NME7: variants seen among roughly 807,000 people sequenced by gnomAD.
NME7 encodes the protein NME/NM23 family member 7.
A neutral mutation model predicts 49.1 loss-of-function variants in NME7; 41 were observed. The observed-to-expected ratio is 0.83, with a 90% CI of 0.65 to 1.08. The LOEUF is 1.08. Among genes scored for constraint, NME7 ranks in the 50% least tolerant of loss-of-function variants. The pLI, the probability that NME7 is intolerant of heterozygous loss-of-function variation, is 0.00. For missense variants in NME7, 423 were observed against 463.4 expected (o/e 0.91, Z 0.80); for synonymous variants, 139 against 150.6 (o/e 0.92, Z 0.56).
chr1:169,341,557 C>T (rs186855003), intron 1 of NME7, among the ~76,000 whole-genome samples: 1 of 152,050 alleles, frequency 6.6e-6, no homozygotes, highest in Non-Finnish European at 1.5e-5. Context: ...TCCTCCAGAC[C>T]CCAGAATGGT....
At chr1:169,214,496 T>C (rs1476198710) in intron 10 of NME7, among the ~76,000 whole-genome samples, 1 of 152,246 alleles carries the variant, frequency 6.6e-6, no homozygotes, top group Non-Finnish European at 1.5e-5. Flanking sequence ...TAAATTCTCA[T>C]AAGAACATCA....
chr1:169,178,298 G>A (rs932544395), intron 10 of NME7, among the ~76,000 whole-genome samples: 8 of 152,092 alleles, frequency 5.3e-5, no homozygotes, highest in Non-Finnish European at 8.8e-5. Context: ...CACATTTTTG[G>A]CTAGAATTCT....
intron 10 of NME7, among the ~76,000 whole-genome samples, chr1:169,190,391 T>C (rs917854192): frequency 6.9e-6 from 1 of 145,648 alleles, no homozygotes; most frequent in South Asian, 2.2e-4. Context: ...AATATATATA[T>C]AAAAAGACAA....
intron 10 of NME7, among the ~76,000 whole-genome samples, chr1:169,191,609 G>C (rs1420556843): frequency 6.6e-6 from 1 of 152,124 alleles, no homozygotes; most frequent in African/African-American, 2.4e-5. Context: ...AGAAGTAGAA[G>C]TTATTCACGT....
chr1:169,174,909 G>T (rs1659708855), intron 10 of NME7, among the ~76,000 whole-genome samples: 1 of 152,040 alleles, frequency 6.6e-6, no homozygotes, highest in Non-Finnish European at 1.5e-5. Flanking sequence ...CTGTACACTT[G>T]GGCTACACTA....
At chr1:169,325,724 GT>G (rs1369135378) in intron 1 of NME7, among the ~76,000 whole-genome samples, 6 of 152,114 alleles carry the variant, frequency 3.9e-5, no homozygotes, top group Non-Finnish European at 7.4e-5. Context: ...AATGGTAGAA[GT>G]TGTGTGTCTA....
intron 7 of NME7, among the ~76,000 whole-genome samples, chr1:169,277,407 T>G (rs1649781395): frequency 7.2e-6 from 1 of 138,358 alleles, no homozygotes; most frequent in East Asian, 2.5e-4. Flanking sequence ...TAGTTAGCTC[T>G]TCTTGTTGAA....
At chr1:169,267,388 T>G (rs115271311) in intron 7 of NME7, among the ~76,000 whole-genome samples, 2,456 of 133,602 alleles carry the variant, frequency 0.018, 359 homozygotes, top group African/African-American at 0.055. Flanking sequence ...CATGTACCAG[T>G]GACATTCTTC....
At chr1:169,336,173 G>A (rs1170599532) in intron 1 of NME7, among the ~76,000 whole-genome samples, 4 of 151,780 alleles carry the variant, frequency 2.6e-5, no homozygotes, top group Admixed American at 6.6e-5. Flanking sequence ...GGAGTTGTTC[G>A]TTCCTCCCGG....
intron 10 of NME7, among the ~76,000 whole-genome samples, chr1:169,196,596 T>C (rs1238704879): frequency 6.6e-6 from 1 of 152,200 alleles, no homozygotes; most frequent in African/African-American, 2.4e-5. Flanking sequence ...TAGAAAATCA[T>C]TAGGATACTT....
rs1366155654 is a variant in NME7, at chr1:169,342,517, AG to A, written c.4-18018del. 1.6e-3 allele frequency among the ~76,000 whole-genome samples: 169 copies of A among 106,586 alleles called. 7 individuals are homozygous for A. The highest frequency in any genetic ancestry group is 5.0e-3 in the African/African-American group (160 of 32,168). The allele number at this position is 106,586 out of a possible 152,430, so 69.9% of individuals were successfully genotyped here. ...TATATATACAAGTACATATATATAT[AG>A]TATATATATACAAGTACATATATAT... On this transcript the variant is annotated intron_variant, in intron 1 of 11. Transcript: ENST00000367811.
intron 2 of NME7, 70 bp from the exon 3 acceptor site, chr1:169,323,353 T>A (rs1651928583): frequency 8.0e-7 from 1 of 1,252,008 alleles, no homozygotes; most frequent in African/African-American, 1.5e-5. Context: ...AATCTCATCA[T>A]AAGGTAGAAA....
intron 11 of NME7, among the ~76,000 whole-genome samples, chr1:169,158,129 C>A (rs1659133389): frequency 1.3e-5 from 2 of 152,154 alleles, no homozygotes; most frequent in Non-Finnish European, 2.9e-5. Flanking sequence ...TCAGAATCAC[C>A]TGCAACATAA....
intron 11 of NME7, among the ~76,000 whole-genome samples, chr1:169,167,953 G>A (rs59776295): frequency 0.012 from 1,846 of 152,254 alleles, 41 homozygotes; most frequent in African/African-American, 0.043. Context: ...CACCAGGAGT[G>A]TTGGGAGACC....
intron 1 of NME7, among the ~76,000 whole-genome samples, chr1:169,329,254 G>A (rs1409819911): frequency 2.0e-5 from 3 of 151,308 alleles, no homozygotes; most frequent in Non-Finnish European, 2.9e-5. Flanking sequence ...TCACTCTACC[G>A]CTCCAAGCTT....
intron 11 of NME7, among the ~76,000 whole-genome samples, chr1:169,146,794 T>C (rs528064452): frequency 3.2e-4 from 49 of 152,256 alleles, no homozygotes; most frequent in African/African-American, 1.0e-3. Flanking sequence ...GAGTTCACAC[T>C]AAGGGGTGAA....
intron 7 of NME7, among the ~76,000 whole-genome samples, chr1:169,238,477 GCACACACACACACACACACACACA>G (rs138287537): frequency 1.4e-4 from 18 of 124,152 alleles, no homozygotes; most frequent in Non-Finnish European, 2.8e-4. Flanking sequence ...ATGCACAAAG[GCACACACACACACACACACACACA>G]CACACACACA....
chr1:169,334,155 C>G (rs796194415), intron 1 of NME7, among the ~76,000 whole-genome samples: 9 of 129,276 alleles, frequency 7.0e-5, no homozygotes, highest in African/African-American at 2.3e-4. Flanking sequence ...GGGTCAGTAA[C>G]TAGTCAATCT....
In NME7 at chr1:169,298,633, T is replaced by A. The variant is rs1242676363; in HGVS notation, c.571A>T (p.Ser191Cys). ...TCTGTTCCAAAGAGGGCTCTAATGC[T>A]TTCAGAAGCATCTGTGCGTGCCACT... is the stretch of plus-strand genomic sequence containing the variant. The part of the protein sequence containing the change: ...SGVARTDASE[S>C]IRALFGTDGI... Residue 191 changes from serine to cysteine, a missense_variant, in exon 6 of 12, where the codon AGC becomes TGC. Transcript: ENST00000367811. 6.2e-7 allele frequency: 1 copy of A among 1,613,914 alleles called. No homozygotes were observed. The highest frequency in any genetic ancestry group is 1.3e-5 in the African/African-American group (1 of 74,934).
Sources: gnomAD v4.1 joint callset for allele counts (sites outside exome capture counted in the v4.1 genomes callset) on GRCh38, gnomAD v4.1.1 for gene constraint, MANE v1.5 for transcripts, NCBI Gene and HGNC (gene_info 2026-07-23, HGNC 2026-07-21) for gene names.